Variants in PCDHGB2 observed in about 807,000 individuals in gnomAD.
PCDHGB2 encodes protocadherin gamma subfamily B, 2.
PCDHGB2 carries 55 observed loss-of-function variants against 59.3 expected under a neutral mutation model. The ratio of observed to expected loss-of-function variants is 0.93; its 90% confidence interval spans 0.75 to 1.16. The LOEUF (loss-of-function observed/expected upper bound fraction) is 1.16, where lower values mean the gene tolerates loss of function less well. PCDHGB2 is among the 50% of genes most tolerant of loss of function. PCDHGB2 has a pLI of 0.00. For synonymous variants in PCDHGB2, 516 were observed against 512.0 expected, an observed-to-expected ratio of 1.01 and a Z score of -0.11; for missense variants, 1,228 against 1,198.5, an observed-to-expected ratio of 1.02 and a Z score of -0.36.
At position 141,511,227 on chromosome 5, in the gene PCDHGB2, TCTC is replaced by T. The variant is rs2099883680; in HGVS notation, c.*57_*59del. 2 of 1,599,470 alleles carry T rather than the reference TCTC, an allele frequency of 1.3e-6. No homozygotes were observed. Among genetic ancestry groups the T allele is most frequent in the Non-Finnish European group, 1.7e-6 (2 of 1,173,054 alleles). ...CGGCCTCTCCCCAACCAGCCCAGCTTCTCCTTACCTGCACCCAGGCCTCAGAGT... is the reference window on the plus strand; with the variant it reads ...CGGCCTCTCCCCAACCAGCCCAGCTTCTTACCTGCACCCAGGCCTCAGAGT... On this transcript the variant is annotated 3_prime_UTR_variant, in exon 4 of 4. Transcript: ENST00000522605.
At chr5:141,384,224 T>C (rs753746250) in intron 1 of PCDHGB2, 1 of 1,613,882 alleles carries the variant, frequency 6.2e-7, no homozygotes, top group Non-Finnish European at 8.5e-7. Flanking sequence ...TTCATGCAGG[T>C]GGCAGACACC....
At chr5:141,419,717 G>A (rs1159633605) in intron 1 of PCDHGB2, 3 of 1,613,236 alleles carry the variant, frequency 1.9e-6, no homozygotes, top group Non-Finnish European at 2.5e-6. Flanking sequence ...CTTCAGCCTG[G>A]GGCTGCGAAC....
chr5:141,456,735 C>T (rs568353480), intron 1 of PCDHGB2, among the ~76,000 whole-genome samples: 8 of 152,216 alleles, frequency 5.3e-5, no homozygotes, highest in East Asian at 3.9e-4. Context: ...GAGGCTGAGG[C>T]GGGAGCATCA....
At chr5:141,393,504 A>G (rs369406530) in intron 1 of PCDHGB2, 1 of 1,614,036 alleles carries the variant, frequency 6.2e-7, no homozygotes, top group African/African-American at 1.3e-5. Flanking sequence ...CATCCACGTG[A>G]CAGTGTTGGA....
chr5:141,366,040 C>G (rs752624619), intron 1 of PCDHGB2: 1 of 1,614,264 alleles, frequency 6.2e-7, no homozygotes, highest in Non-Finnish European at 8.5e-7. Context: ...TCCCCACAGA[C>G]GGTTCCACGG....
chr5:141,376,763 T>A (rs1300525391), intron 1 of PCDHGB2: 1 of 425,102 alleles, frequency 2.4e-6, no homozygotes. Context: ...CTCGGCTCAC[T>A]GCAAGCTCCG....
rs911954966 is a variant in PCDHGB2, at chr5:141,491,081, C to G, written c.2422-3726C>G. On this transcript the variant is annotated intron_variant, in intron 1 of 3. Coordinates refer to ENST00000522605, the MANE Select transcript of PCDHGB2 (RefSeq NM_018923.3). This position sits in a 1 kb window ranked among gnomAD's most constrained non-coding sequence, Gnocchi z 6.9. ...TCCTACTCACTGTTGCCACAGTCCACAGCCCCAGGACTGTTCCTCGTGTCT... is the reference window on the plus strand; with the variant it reads ...TCCTACTCACTGTTGCCACAGTCCAGAGCCCCAGGACTGTTCCTCGTGTCT... The G allele has an allele frequency of 4.3e-6, 7 of 1,614,176 alleles. No individual in the cohort carries two copies. Among genetic ancestry groups the G allele is most frequent in the Non-Finnish European group, 5.9e-6 (7 of 1,180,010 alleles).
chr5:141,420,047 G>T lies in PCDHGB2; in HGVS notation c.2421+57491G>T. ...TACTGCAGGAGACTGCTTTGAGTCA[G>T]TTCTCTGCTCCAAGTCCGGACCTGT... On this transcript the variant is annotated intron_variant, in intron 1 of 3. Coordinates refer to ENST00000522605, the MANE Select transcript of PCDHGB2 (RefSeq NM_018923.3). 3 of 1,614,076 alleles carry T rather than the reference G, an allele frequency of 1.9e-6. No individual in the cohort carries two copies. The South Asian group carries it at 3.3e-5, about 18-fold the overall frequency.
chr5:141,475,768 G>A (rs756539564), intron 1 of PCDHGB2, among the ~76,000 whole-genome samples: 5 of 152,280 alleles, frequency 3.3e-5, no homozygotes, highest in South Asian at 2.1e-4. Flanking sequence ...TACTGGCAAG[G>A]CGCTTTGGCT....
At position 141,370,514 on chromosome 5, in the gene PCDHGB2, G is replaced by T. The variant is rs1295709231; in HGVS notation, c.2421+7958G>T. 3 of 1,613,776 alleles carry T rather than the reference G, an allele frequency of 1.9e-6. No individual in the cohort carries two copies. The African/African-American group carries it at 4.0e-5, about 22-fold the overall frequency. On this transcript the variant is annotated intron_variant, in intron 1 of 3. Coordinates refer to ENST00000522605, the MANE Select transcript of PCDHGB2 (RefSeq NM_018923.3). ...CGATCCGCTACGCTATTCCCGAGGAGCTGGACAGGGGCTCGCTGGTAGGGA... is the reference window on the plus strand; with the variant it reads ...CGATCCGCTACGCTATTCCCGAGGATCTGGACAGGGGCTCGCTGGTAGGGA...
At chr5:141,449,252 T>C (rs1401555556) in intron 1 of PCDHGB2, among the ~76,000 whole-genome samples, 1 of 152,144 alleles carries the variant, frequency 6.6e-6, no homozygotes, top group Non-Finnish European at 1.5e-5. Flanking sequence ...GTTGCAAGAA[T>C]TGTACAAAGA....
chr5:141,478,163 C>G (rs779617960), intron 1 of PCDHGB2: 22 of 1,614,028 alleles, frequency 1.4e-5, no homozygotes, highest in Non-Finnish European at 1.9e-5. Context: ...TGGCTCTGCC[C>G]CCCGGGAGCA....
At chr5:141,429,613 G>A (rs1374650357) in intron 1 of PCDHGB2, among the ~76,000 whole-genome samples, 2 of 152,084 alleles carry the variant, frequency 1.3e-5, no homozygotes, top group African/African-American at 2.4e-5. Flanking sequence ...TCAATTTTAT[G>A]TCTGATATTT....
At chr5:141,370,456 T>A (rs889377616) in intron 1 of PCDHGB2, 17 of 1,611,826 alleles carry the variant, frequency 1.1e-5, no homozygotes, top group Non-Finnish European at 1.3e-5. Flanking sequence ...TTTCTCTTCC[T>A]GCTCTCTTTG....
chr5:141,383,036 G>A, intron 1 of PCDHGB2: 1 of 1,613,876 alleles, frequency 6.2e-7, no homozygotes, highest in Non-Finnish European at 8.5e-7. Flanking sequence ...TCCTTTGTGG[G>A]AGACATCGCC....
intron 1 of PCDHGB2, chr5:141,420,995 C>T (rs1448491394): frequency 2.0e-6 from 1 of 503,150 alleles, no homozygotes; most frequent in East Asian, 3.3e-5. Flanking sequence ...CGCCGCTGCT[C>T]ACCAATCAGG....
chr5:141,382,486 C>T (rs1278703321), intron 1 of PCDHGB2, among the ~76,000 whole-genome samples: 1 of 152,192 alleles, frequency 6.6e-6, no homozygotes, highest in African/African-American at 2.4e-5. Flanking sequence ...GATTATCAAA[C>T]ACCGGTCCAT....
At chr5:141,398,936 AC>A in intron 1 of PCDHGB2, 1 of 1,613,962 alleles carries the variant, frequency 6.2e-7, no homozygotes, top group East Asian at 2.2e-5. Context: ...ACTGACCAAG[AC>A]GAGGGCATCA....
In PCDHGB2 at chr5:141,494,860, C is replaced by T. The variant is rs372794752; in HGVS notation, c.2475C>T (p.Thr825=). Residue 825 remains threonine, a synonymous_variant, in exon 2 of 4, where the codon ACC becomes ACT. Coordinates refer to ENST00000522605, the MANE Select transcript of PCDHGB2 (RefSeq NM_018923.3). ...TCTCTCAGGCCCAGAGACCCGGCAC[C>T]AGCGGGTAGGTGACTGATTCTCCAG... ...WRFSQAQRPG[T]SGSQNGDDTG... 5.6e-6 allele frequency: 9 copies of T among 1,614,032 alleles called. No homozygotes were observed. Among genetic ancestry groups the T allele is most frequent in the Non-Finnish European group, 7.6e-6 (9 of 1,180,024 alleles).
Sources: allele counts gnomAD v4.1 joint callset (sites outside exome capture counted in the v4.1 genomes callset), GRCh38; gene constraint gnomAD v4.1.1; non-coding constraint Gnocchi (gnomAD v3.1); transcripts MANE v1.5; gene names NCBI Gene and HGNC (gene_info 2026-07-23, HGNC 2026-07-21).